TRPM3: variants seen among roughly 807,000 people sequenced by gnomAD.
The protein encoded by TRPM3 is transient receptor potential cation channel subfamily M member 3.
In TRPM3, 77 loss-of-function variants were observed where a neutral mutation model predicts 181.2. The ratio of observed to expected loss-of-function variants is 0.42; its 90% CI spans 0.35 to 0.51. The LOEUF (loss-of-function observed/expected upper bound fraction) is 0.51, where lower values mean the gene tolerates loss of function less well. TRPM3 is among the 20% of genes least tolerant of loss of function. The probability of loss-of-function intolerance (pLI) is 0.01; values close to 1 mark genes in which losing one functional copy is unlikely to be tolerated. For synonymous variants in TRPM3, 745 were observed against 796.4 expected, an observed-to-expected ratio of 0.94 and a Z score of 1.09; for missense variants, 1,759 against 2,196.7, an observed-to-expected ratio of 0.80 and a Z score of 3.98.
chr9:70,852,280 C>T (rs2095262040), intron 3 of TRPM3, among the ~76,000 whole-genome samples: 1 of 152,054 alleles, frequency 6.6e-6, no homozygotes, highest in African/African-American at 2.4e-5. Flanking sequence ...ACATACTCCT[C>T]CCAACAACAG....
At chr9:70,677,716 G>A (rs1165660351) in intron 9 of TRPM3, among the ~76,000 whole-genome samples, 1 of 152,160 alleles carries the variant, frequency 6.6e-6, no homozygotes, top group Admixed American at 6.5e-5. Context: ...CATTCTGAAG[G>A]CTGGAATGTC....
intron 1 of TRPM3, among the ~76,000 whole-genome samples, chr9:70,977,595 G>T (rs112791147): frequency 6.6e-6 from 1 of 152,178 alleles, no homozygotes; most frequent in Non-Finnish European, 1.5e-5. Flanking sequence ...CACATTAAGG[G>T]CTCAGTCCCA....
rs746432718 is a variant in TRPM3, at chr9:70,529,579, ATCTC to A, written c.*6370_*6373del. 6.6e-6 allele frequency: 1 copy of A among 152,198 alleles called. No individual in the cohort carries two copies. Among genetic ancestry groups the A allele is most frequent in the Admixed American group, 6.5e-5 (1 of 15,282 alleles). 9.4% of individuals were successfully genotyped at this position (152,198 alleles called of 1,614,324 possible). A position where few individuals can be genotyped will look rare whatever the true frequency, so the allele number is the denominator to read the frequency against. On this transcript the variant is annotated 3_prime_UTR_variant, in exon 26 of 26. Transcript: ENST00000677713. Reference sequence around the variant, plus strand: ...CCATGCTATGGTACTCTTCTTCTGAATCTCTCTCACAAAGACTCTGTGTTCAAGT... The same window carrying A: ...CCATGCTATGGTACTCTTCTTCTGAATCTCACAAAGACTCTGTGTTCAAGT...
At chr9:71,169,949 C>A (rs892736278) in intron 1 of TRPM3, among the ~76,000 whole-genome samples, 1 of 142,398 alleles carries the variant, frequency 7.0e-6, no homozygotes, top group Non-Finnish European at 1.5e-5. Flanking sequence ...TTCAGTGAGC[C>A]GAGATCATGC....
intron 1 of TRPM3, among the ~76,000 whole-genome samples, chr9:71,302,494 T>C (rs2086870503): frequency 6.6e-6 from 1 of 152,228 alleles, no homozygotes; most frequent in African/African-American, 2.4e-5. Flanking sequence ...CTGTTTGATA[T>C]AATTTCATTT....
intron 1 of TRPM3, among the ~76,000 whole-genome samples, chr9:71,302,175 C>G (rs1021333691): frequency 6.9e-6 from 1 of 145,482 alleles, no homozygotes; most frequent in African/African-American, 2.5e-5. Flanking sequence ...AAAATTTACA[C>G]ATTTGAAAAA....
intron 1 of TRPM3, among the ~76,000 whole-genome samples, chr9:71,281,831 G>T (rs2084731958): frequency 6.6e-6 from 1 of 152,146 alleles, no homozygotes; most frequent in Admixed American, 6.5e-5. Flanking sequence ...GGAGGCCAAG[G>T]TGGGCAGATC....
chr9:71,191,546 T>C (rs535307791), intron 1 of TRPM3, among the ~76,000 whole-genome samples: 21 of 151,878 alleles, frequency 1.4e-4, no homozygotes, highest in African/African-American at 4.3e-4. Context: ...GTCTCATTAA[T>C]TCTTAAACTT....
rs182021004 is a variant in TRPM3 at position 71,106,976 on chromosome 9, G to A, written c.177+14202C>T. On this transcript the variant is annotated intron_variant, in intron 1 of 25. Transcript: ENST00000677713. ...CACATTTAATGACTAATGAATTTGG[G>A]TTCGCCTCTGCATTTGCGCAGCTGG... Among the ~76,000 whole-genome samples, 123 of 152,228 alleles carry A rather than the reference G, an allele frequency of 8.1e-4. 1 individual carries two copies. The highest frequency in any genetic ancestry group is 1.3e-3 in the Non-Finnish European group (86 of 68,020).
chr9:70,986,698 C>T (rs527295668), intron 1 of TRPM3, among the ~76,000 whole-genome samples: 11 of 152,218 alleles, frequency 7.2e-5, no homozygotes, highest in South Asian at 2.1e-4. Context: ...ACCTCTTTAG[C>T]ATTTGTGATT....
intron 6 of TRPM3, among the ~76,000 whole-genome samples, chr9:70,824,111 T>C (rs757983621): frequency 3.3e-5 from 5 of 152,210 alleles, no homozygotes; most frequent in Non-Finnish European, 7.3e-5. Flanking sequence ...TTAGGGGAAA[T>C]ATTCTTCAGA....
chr9:70,621,217 A>T, intron 15 of TRPM3, 27 bp downstream of exon 15: 1 of 1,556,300 alleles, frequency 6.4e-7, no homozygotes, highest in South Asian at 1.2e-5. Flanking sequence ...TAAATCATTG[A>T]CACTAATAAT....
chr9:71,352,427 G>T (rs946321139), intron 1 of TRPM3, among the ~76,000 whole-genome samples: 1 of 151,958 alleles, frequency 6.6e-6, no homozygotes, highest in Non-Finnish European at 1.5e-5. Flanking sequence ...TGTCACTGAG[G>T]TTATTGAAAA....
intron 1 of TRPM3, among the ~76,000 whole-genome samples, chr9:70,967,857 A>G (rs533046305): frequency 6.6e-6 from 1 of 152,230 alleles, no homozygotes; most frequent in South Asian, 2.1e-4. Context: ...TGGTCCCCAC[A>G]ATACACTGTG....
intron 1 of TRPM3, among the ~76,000 whole-genome samples, chr9:70,945,218 G>A (rs576746260): frequency 1.5e-4 from 23 of 152,188 alleles, no homozygotes; most frequent in South Asian, 1.5e-3. Context: ...GCCCCTGCCC[G>A]GCCAGTCACT....
chr9:70,883,648 G>T (rs1312957933), intron 1 of TRPM3, among the ~76,000 whole-genome samples: 1 of 152,150 alleles, frequency 6.6e-6, no homozygotes, highest in Non-Finnish European at 1.5e-5. Context: ...AGTTGAAAAA[G>T]GTAATGGTAG....
chr9:71,208,876 TATG>T (rs1218081857), intron 1 of TRPM3, among the ~76,000 whole-genome samples: 1 of 152,176 alleles, frequency 6.6e-6, no homozygotes, highest in African/African-American at 2.4e-5. Context: ...TTCAAATTAT[TATG>T]AAGTTTTATC....
At chr9:71,266,280 A>G (rs942637625) in intron 1 of TRPM3, among the ~76,000 whole-genome samples, 3 of 152,220 alleles carry the variant, frequency 2.0e-5, no homozygotes, top group African/African-American at 7.2e-5. Context: ...ATTCCTTTGA[A>G]AATATCAAAA....
chr9:71,297,023 G>C, intron 1 of TRPM3, among the ~76,000 whole-genome samples: 1 of 105,106 alleles, frequency 9.5e-6, no homozygotes, highest in Admixed American at 1.3e-4. Flanking sequence ...ATGAAGTCTT[G>C]CTCTGTCACC....
Sources: allele counts gnomAD v4.1 joint callset (sites outside exome capture counted in the v4.1 genomes callset), GRCh38; gene constraint gnomAD v4.1.1; transcripts MANE v1.5; gene names NCBI Gene and HGNC (gene_info 2026-07-23, HGNC 2026-07-21).